RALGPS1: variants seen among roughly 807,000 people sequenced by gnomAD.
The protein encoded by RALGPS1 is Ral GEF with PH domain and SH3 binding motif 1.
RALGPS1 carries 19 observed loss-of-function variants against 78.8 expected under a neutral mutation model. That is an observed-to-expected ratio of 0.24 (90% CI 0.17 to 0.35). The LOEUF (loss-of-function observed/expected upper bound fraction) is 0.35, where lower values mean the gene tolerates loss of function less well. RALGPS1 is among the 10% of genes least tolerant of loss of function. The pLI, the probability that RALGPS1 is intolerant of heterozygous loss-of-function variation, is 1.00. For missense variants in RALGPS1, 454 were observed against 688.3 expected (o/e 0.66, Z 3.81); for synonymous variants, 228 against 256.3 (o/e 0.89, Z 1.06).
At chr9:127,161,795 A>G (rs2059035332) in intron 8 of RALGPS1, among the ~76,000 whole-genome samples, 1 of 152,216 alleles carries the variant, frequency 6.6e-6, no homozygotes, top group Non-Finnish European at 1.5e-5. Flanking sequence ...AGAACCGCCC[A>G]TAGACAACCT....
At chr9:127,193,378 A>G (rs1161801100) in intron 11 of RALGPS1, among the ~76,000 whole-genome samples, 2 of 152,152 alleles carry the variant, frequency 1.3e-5, no homozygotes, top group Non-Finnish European at 2.9e-5. Flanking sequence ...TATTGAGAAT[A>G]AGAAAGTTGG....
chr9:126,939,958 T>G (rs1225355839), intron 1 of RALGPS1, among the ~76,000 whole-genome samples: 1 of 152,208 alleles, frequency 6.6e-6, no homozygotes, highest in Non-Finnish European at 1.5e-5. Flanking sequence ...AGGGATACGT[T>G]TCATTCGCCT....
At chr9:127,059,198 G>C (rs1185451008) in intron 7 of RALGPS1, among the ~76,000 whole-genome samples, 3 of 152,178 alleles carry the variant, frequency 2.0e-5, no homozygotes, top group Non-Finnish European at 2.9e-5. Context: ...GACTGATGCA[G>C]TGCCTCAGTA....
chr9:127,075,840 T>G (rs1268544647), intron 8 of RALGPS1, among the ~76,000 whole-genome samples: 1 of 152,248 alleles, frequency 6.6e-6, no homozygotes, highest in Non-Finnish European at 1.5e-5. Flanking sequence ...TGCTAACTGG[T>G]CTCCTGTGAC....
At chr9:127,190,786 A>C (rs79375098) in intron 11 of RALGPS1, among the ~76,000 whole-genome samples, 1,593 of 152,292 alleles carry the variant, frequency 0.01, 39 homozygotes, top group African/African-American at 0.036. Flanking sequence ...CCAGGTATAA[A>C]AGGCAGGGCA....
At chr9:127,077,253 C>G (rs1380275700) in intron 8 of RALGPS1, among the ~76,000 whole-genome samples, 1 of 152,080 alleles carries the variant, frequency 6.6e-6, no homozygotes, top group Non-Finnish European at 1.5e-5. Flanking sequence ...CCTGTAGAAG[C>G]CTGTGATGAG....
At chr9:127,027,482 A>G (rs1474989711) in intron 4 of RALGPS1, among the ~76,000 whole-genome samples, 5 of 152,196 alleles carry the variant, frequency 3.3e-5, no homozygotes, top group Admixed American at 1.3e-4. Flanking sequence ...ATAGAAAAAG[A>G]TGATATTTGA....
chr9:126,949,070 G>GT (rs1356642171), intron 1 of RALGPS1, among the ~76,000 whole-genome samples: 13 of 151,872 alleles, frequency 8.6e-5, no homozygotes, highest in African/African-American at 3.1e-4. Flanking sequence ...GCGGTGTTTG[G>GT]TTTTTTGTCC....
chr9:127,189,483 G>A (rs1056762453), intron 11 of RALGPS1, among the ~76,000 whole-genome samples: 7 of 152,154 alleles, frequency 4.6e-5, no homozygotes, highest in Non-Finnish European at 2.9e-5. Flanking sequence ...CGCCAGCCAG[G>A]TTCTGGACGC....
chr9:127,001,041 G>A (rs1220967217), intron 4 of RALGPS1, among the ~76,000 whole-genome samples: 2 of 151,682 alleles, frequency 1.3e-5, no homozygotes, highest in African/African-American at 2.4e-5. Flanking sequence ...TTGGGAGGCT[G>A]AGGTGGGTGG....
intron 7 of RALGPS1, among the ~76,000 whole-genome samples, chr9:127,056,961 G>A (rs2048798499): frequency 6.6e-6 from 1 of 152,192 alleles, no homozygotes; most frequent in African/African-American, 2.4e-5. Flanking sequence ...GGAGGTGCAG[G>A]TGGCATTGGA....
In RALGPS1 at chr9:127,165,225, G is replaced by A. The variant is rs1768949910; in HGVS notation, c.611-844G>A. ...GGGCACAATAGCAGTGCTCCTGGAG[G>A]GCAGCTGAAAGGACGTTCCATCCTT... On this transcript the variant is annotated intron_variant, in intron 8 of 18. Transcript: ENST00000259351. Among the ~76,000 whole-genome samples, 2 of 152,208 alleles carry A rather than the reference G, an allele frequency of 1.3e-5. 1 individual carries two copies. The highest frequency in any genetic ancestry group is 4.1e-4 in the South Asian group (2 of 4,828).
intron 8 of RALGPS1, among the ~76,000 whole-genome samples, chr9:127,103,919 A>G (rs1358376240): frequency 2.0e-5 from 3 of 152,180 alleles, no homozygotes; most frequent in African/African-American, 7.2e-5. Context: ...TAGTTAAAAC[A>G]TACTTTGGTT....
intron 4 of RALGPS1, among the ~76,000 whole-genome samples, chr9:127,010,380 C>T (rs1439897637): frequency 6.6e-6 from 1 of 152,164 alleles, no homozygotes; most frequent in Non-Finnish European, 1.5e-5. Context: ...CAAATTCATA[C>T]ACAAGTAATT....
At chr9:127,129,223 A>T (rs1229882587) in intron 8 of RALGPS1, among the ~76,000 whole-genome samples, 1 of 152,174 alleles carries the variant, frequency 6.6e-6, no homozygotes, top group Non-Finnish European at 1.5e-5. Context: ...AAGAGAGGAG[A>T]CTGAGGACTG....
chr9:126,918,879 A>G (rs1321701456), intron 1 of RALGPS1, among the ~76,000 whole-genome samples: 1 of 152,032 alleles, frequency 6.6e-6, no homozygotes. Context: ...CATGTTGGTC[A>G]GGCTGGTCTT....
At chr9:127,123,539 C>T (rs1434950472) in intron 8 of RALGPS1, among the ~76,000 whole-genome samples, 9 of 152,172 alleles carry the variant, frequency 5.9e-5, no homozygotes, top group African/African-American at 1.9e-4. Flanking sequence ...GTCTCCTGCT[C>T]CCAGAACCTC....
intron 8 of RALGPS1, among the ~76,000 whole-genome samples, chr9:127,096,354 G>A (rs753574923): frequency 6.6e-6 from 1 of 152,256 alleles, no homozygotes; most frequent in Non-Finnish European, 1.5e-5. Context: ...CAGCACAGGA[G>A]AGGCCGTTCG....
chr9:127,070,756 G>T (rs1487379743), intron 8 of RALGPS1, among the ~76,000 whole-genome samples: 1 of 152,026 alleles, frequency 6.6e-6, no homozygotes. Context: ...TTATGTAGAA[G>T]TGACTCCTGA....
Sources: allele counts gnomAD v4.1 joint callset (sites outside exome capture counted in the v4.1 genomes callset), GRCh38; gene constraint gnomAD v4.1.1; transcripts MANE v1.5; gene names NCBI Gene and HGNC (gene_info 2026-07-23, HGNC 2026-07-21).